PRKCA: variants seen among roughly 807,000 people sequenced by gnomAD.
The protein encoded by PRKCA is protein kinase C alpha, also known as protein kinase C alpha type.
Under a neutral mutation model 87.0 loss-of-function variants are expected in PRKCA, and 27 were observed. That is an observed-to-expected ratio of 0.31 (90% CI 0.23 to 0.43). The LOEUF (loss-of-function observed/expected upper bound fraction) is 0.43, where lower values mean the gene tolerates loss of function less well. PRKCA is among the 20% of genes least tolerant of loss of function. The pLI, the probability that PRKCA is intolerant of heterozygous loss-of-function variation, is 1.00. For synonymous variants in PRKCA, 329 were observed against 311.1 expected (o/e 1.06, Z -0.61); for missense variants, 518 against 852.3 (o/e 0.61, Z 4.88).
chr17:66,468,060 G>T (rs540690657), intron 2 of PRKCA, among the ~76,000 whole-genome samples: 2 of 152,194 alleles, frequency 1.3e-5, no homozygotes, highest in South Asian at 2.1e-4. Context: ...TCATTTTGAT[G>T]CTTCTTTATT....
rs1972717074 is a variant in PRKCA, at chr17:66,689,319, C to T, written c.918+272C>T. Among the ~76,000 whole-genome samples, 1 of 152,150 alleles carries T rather than the reference C, an allele frequency of 6.6e-6. No individual in the cohort carries two copies. Among genetic ancestry groups the T allele is most frequent in the African/African-American group, 2.4e-5 (1 of 41,428 alleles). ...TTTCTGCATAAGAGATCTGTTTGCA[C>T]ATCACTGGGGAGAGAAGCAGGCTCT... On this transcript the variant is annotated intron_variant, in intron 8 of 16. Transcript: ENST00000413366. The surrounding 1 kb of genome is among the most constrained non-coding windows in gnomAD (Gnocchi z 4.1).
chr17:66,641,604 C>CA (rs1440983050), intron 4 of PRKCA, 138 bp downstream of exon 4: 9 of 487,424 alleles, frequency 1.8e-5, no homozygotes, highest in Non-Finnish European at 2.9e-5. Flanking sequence ...ACCAGACTGA[C>CA]AAAGTGTAGA....
At chr17:66,733,333 A>G (rs902935266) in intron 9 of PRKCA, among the ~76,000 whole-genome samples, 10 of 152,168 alleles carry the variant, frequency 6.6e-5, no homozygotes, top group African/African-American at 2.2e-4. Flanking sequence ...GTTGGGTTTT[A>G]TGCCTCACAG....
chr17:66,459,743 TA>T (rs1446367548), intron 2 of PRKCA, among the ~76,000 whole-genome samples: 2 of 152,238 alleles, frequency 1.3e-5, no homozygotes, highest in African/African-American at 4.8e-5. Context: ...TGCTTTTAAG[TA>T]AGTAATTATT....
chr17:66,777,744 T>C (rs1363934561), intron 14 of PRKCA: 1 of 985,270 alleles, frequency 1.0e-6, no homozygotes, highest in African/African-American at 1.7e-5. Context: ...TATGCTAACA[T>C]GCAAAAGGGG....
At chr17:66,615,254 A>G (rs940302448) in intron 3 of PRKCA, among the ~76,000 whole-genome samples, 4 of 152,210 alleles carry the variant, frequency 2.6e-5, no homozygotes, top group African/African-American at 9.6e-5. Flanking sequence ...GCTGCAAAGA[A>G]GGGGAAAAAT....
chr17:66,746,375 T>C (rs1974285621), intron 13 of PRKCA, among the ~76,000 whole-genome samples: 1 of 152,062 alleles, frequency 6.6e-6, no homozygotes, highest in South Asian at 2.1e-4. Flanking sequence ...ATTTGGCATA[T>C]TTGGCCACAC....
At chr17:66,490,741 T>A (rs1021593091) in intron 2 of PRKCA, among the ~76,000 whole-genome samples, 12 of 152,084 alleles carry the variant, frequency 7.9e-5, no homozygotes, top group African/African-American at 2.9e-4. Context: ...CCACTATGCC[T>A]TGCTAATTTT....
chr17:66,532,519 C>A, intron 3 of PRKCA, among the ~76,000 whole-genome samples: 1 of 151,968 alleles, frequency 6.6e-6, no homozygotes, highest in Non-Finnish European at 1.5e-5. Context: ...GCATGCACCA[C>A]CATGCCCGAC....
At chr17:66,786,685 A>G (rs1975402901) in intron 14 of PRKCA, among the ~76,000 whole-genome samples, 182 bp from the exon 15 acceptor site, 3 of 152,244 alleles carry the variant, frequency 2.0e-5, no homozygotes, top group Admixed American at 1.3e-4. Flanking sequence ...TGAAAAACAC[A>G]CAACCGTCAA....
At chr17:66,637,657 G>C (rs947248585) in intron 3 of PRKCA, among the ~76,000 whole-genome samples, 11 of 152,164 alleles carry the variant, frequency 7.2e-5, no homozygotes, top group African/African-American at 2.4e-4. Context: ...TACACATAGA[G>C]GTGCTAGGTA....
chr17:66,732,578 C>A, intron 8 of PRKCA, 110 bp from the exon 9 acceptor site: 1 of 1,353,172 alleles, frequency 7.4e-7, no homozygotes, highest in Non-Finnish European at 1.1e-6. Context: ...CCTTTTCTCA[C>A]CCCATCCCAC....
intron 8 of PRKCA, among the ~76,000 whole-genome samples, chr17:66,698,128 TGGA>T (rs1212065901): frequency 6.6e-6 from 1 of 152,114 alleles, no homozygotes. Context: ...CAATAAGGAT[TGGA>T]GGAGGAGATG....
chr17:66,736,204 G>A (rs1396913190), intron 10 of PRKCA, among the ~76,000 whole-genome samples: 1 of 151,128 alleles, frequency 6.6e-6, no homozygotes, highest in Non-Finnish European at 1.5e-5. Flanking sequence ...ACATTTCCAT[G>A]AAAGGTTTTC....
At chr17:66,524,075 G>A (rs986150643) in intron 3 of PRKCA, among the ~76,000 whole-genome samples, 3 of 152,132 alleles carry the variant, frequency 2.0e-5, no homozygotes, top group Non-Finnish European at 2.9e-5. Flanking sequence ...CAACTCCCAG[G>A]CCTCAGCCTC....
At chr17:66,467,815 T>C (rs112021359) in intron 2 of PRKCA, among the ~76,000 whole-genome samples, 9,662 of 152,020 alleles carry the variant, frequency 0.064, 1,018 homozygotes, top group African/African-American at 0.22. Context: ...GCCTTGGCCT[T>C]CCAAAGTGCT....
chr17:66,311,882 T>C (rs1905103608), intron 2 of PRKCA, among the ~76,000 whole-genome samples: 3 of 152,184 alleles, frequency 2.0e-5, no homozygotes, highest in African/African-American at 7.2e-5. Context: ...GAAGCTGGGG[T>C]TGTAGCATAT....
chr17:66,686,724 C>T (rs1972638060), intron 5 of PRKCA, among the ~76,000 whole-genome samples: 2 of 152,132 alleles, frequency 1.3e-5, no homozygotes, highest in Admixed American at 1.3e-4. Flanking sequence ...CGCTTCCATG[C>T]AGGGAGGGTG....
chr17:66,768,070 A>G (rs1302755401), intron 13 of PRKCA, among the ~76,000 whole-genome samples: 2 of 152,066 alleles, frequency 1.3e-5, no homozygotes, highest in Non-Finnish European at 2.9e-5. Flanking sequence ...CAGCCTCCTG[A>G]GTAGCTGGGA....
Sources: gnomAD v4.1 joint callset for allele counts (sites outside exome capture counted in the v4.1 genomes callset) on GRCh38, gnomAD v4.1.1 for gene constraint, Gnocchi (gnomAD v3.1) non-coding constraint, MANE v1.5 for transcripts, NCBI Gene and HGNC (gene_info 2026-07-23, HGNC 2026-07-21) for gene names.